Variants in PLAC1 observed in about 807,000 individuals in gnomAD.
PLAC1 encodes placenta-specific protein 1.
For missense variants in PLAC1, 136 were observed against 163.2 expected (o/e 0.83, Z 0.91); for synonymous variants, 68 against 62.1 (o/e 1.09, Z -0.44).
chrX:134,670,186 C>T (rs1335340824), intron 2 of PLAC1, among the ~76,000 whole-genome samples: 1 of 110,439 alleles, frequency 9.1e-6, no homozygotes, highest in African/African-American at 3.3e-5. Flanking sequence ...TCTATGTTCA[C>T]CTGAAAAGCC....
chrX:134,606,559 T>G (rs2078123983), intron 1 of PLAC1, among the ~76,000 whole-genome samples: 1 of 111,884 alleles, frequency 8.9e-6, no homozygotes, highest in Non-Finnish European at 1.9e-5. Context: ...AGGGAATGCT[T>G]ATGTACTGTT....
chrX:134,661,447 G>A (rs2078416255), upstream of PLAC1, among the ~76,000 whole-genome samples: 1 of 111,377 alleles, frequency 9.0e-6, no homozygotes, highest in South Asian at 3.8e-4. Flanking sequence ...CACAGCCCTG[G>A]GAGGAGCCTT....
intron 1 of PLAC1, among the ~76,000 whole-genome samples, chrX:134,648,112 T>C (rs2078343630): frequency 9.0e-6 from 1 of 111,426 alleles, no homozygotes; most frequent in African/African-American, 3.3e-5. Flanking sequence ...TTCCTTTTAT[T>C]TGAAAGACCT....
chrX:134,683,298 C>T (rs1261536581), intron 2 of PLAC1, among the ~76,000 whole-genome samples: 1 of 110,480 alleles, frequency 9.1e-6, no homozygotes, highest in Non-Finnish European at 1.9e-5. Flanking sequence ...ATTTCTGCCT[C>T]CATCTACAGA....
At chrX:134,605,333 C>G (rs1430614562) in intron 1 of PLAC1, among the ~76,000 whole-genome samples, 1 of 111,745 alleles carries the variant, frequency 8.9e-6, no homozygotes, top group Admixed American at 9.5e-5. Flanking sequence ...CAGTCACTGC[C>G]CACTTGGTGA....
intron 2 of PLAC1, among the ~76,000 whole-genome samples, chrX:134,586,839 T>TTGTGTGTGTGTATGTG (rs1556045718): frequency 2.6e-5 from 2 of 76,653 alleles, no homozygotes; most frequent in African/African-American, 9.3e-5. Context: ...CCCAGCTAAT[T>TTGTGTGTGTGTATGTG]TGTGTGTGTG....
At chrX:134,711,242 T>G (rs2078627250) in intron 2 of PLAC1, among the ~76,000 whole-genome samples, 1 of 112,121 alleles carries the variant, frequency 8.9e-6, no homozygotes, top group African/African-American at 3.2e-5. Flanking sequence ...CAGAGCACAC[T>G]TCCCCACTCA....
chrX:134,690,890 C>T (rs1602912028), intron 2 of PLAC1, among the ~76,000 whole-genome samples: 1 of 86,088 alleles, frequency 1.2e-5, no homozygotes, highest in African/African-American at 4.6e-5. Context: ...TGCAGTGAGC[C>T]GAAATCGCGC....
At chrX:134,586,342 T>C (rs1262746163) in intron 2 of PLAC1, among the ~76,000 whole-genome samples, 2 of 111,616 alleles carry the variant, frequency 1.8e-5, no homozygotes, top group Admixed American at 1.9e-4. Flanking sequence ...AAATTCCCTG[T>C]GAGCAAATAC....
chrX:134,736,135 G>C (rs1420707359), intron 1 of PLAC1, among the ~76,000 whole-genome samples: 1 of 110,147 alleles, frequency 9.1e-6, no homozygotes, highest in Non-Finnish European at 1.9e-5. Flanking sequence ...AATTAGCTGG[G>C]TGTGGTGGCA....
intron 2 of PLAC1, among the ~76,000 whole-genome samples, chrX:134,675,243 C>T (rs1324666660): frequency 8.9e-6 from 1 of 112,564 alleles, no homozygotes; most frequent in African/African-American, 3.2e-5. Context: ...CTAAACCTGT[C>T]GTCAGGCCTC....
chrX:134,588,395 G>A (rs1445641951), intron 2 of PLAC1, among the ~76,000 whole-genome samples: 1 of 108,629 alleles, frequency 9.2e-6, no homozygotes, highest in Admixed American at 1.0e-4. Flanking sequence ...CACGATCTTG[G>A]CTCACTGCAA....
intron 2 of PLAC1, among the ~76,000 whole-genome samples, chrX:134,667,925 CA>C (rs752192722): frequency 3.7e-3 from 325 of 87,145 alleles, no homozygotes; most frequent in East Asian, 0.015. Flanking sequence ...GACCTTGTCT[CA>C]AAAAAAAAAA....
At chrX:134,688,459 T>C (rs914372428) in intron 2 of PLAC1, among the ~76,000 whole-genome samples, 1 of 112,586 alleles carries the variant, frequency 8.9e-6, no homozygotes, top group Non-Finnish European at 1.9e-5. Context: ...GGTTCATTAC[T>C]AAATACTCAT....
intron 2 of PLAC1, among the ~76,000 whole-genome samples, chrX:134,717,088 G>A (rs752076905): frequency 1.8e-5 from 2 of 111,641 alleles, no homozygotes; most frequent in Admixed American, 9.5e-5. Flanking sequence ...GTCTAAACCT[G>A]ACTCAGTGAA....
At chrX:134,685,702 C>T (rs1268360276) in intron 2 of PLAC1, among the ~76,000 whole-genome samples, 5 of 110,834 alleles carry the variant, frequency 4.5e-5, no homozygotes, top group Non-Finnish European at 7.6e-5. Flanking sequence ...TTGCTCTTGT[C>T]GGGGAGCAGG....
intron 2 of PLAC1, among the ~76,000 whole-genome samples, chrX:134,673,997 C>T (rs1300815161): frequency 8.9e-6 from 1 of 112,962 alleles, no homozygotes; most frequent in Admixed American, 9.3e-5. Context: ...TTTCTAAAGC[C>T]TACCACCCTT....
chrX:134,729,015 C>T (rs778211950), intron 2 of PLAC1, among the ~76,000 whole-genome samples: 4 of 111,307 alleles, frequency 3.6e-5, no homozygotes, highest in East Asian at 5.7e-4. Context: ...AAGGAAGAGC[C>T]GTGGGCCTCT....
intron 2 of PLAC1, among the ~76,000 whole-genome samples, chrX:134,588,958 C>T (rs1253469411): frequency 9.0e-6 from 1 of 111,307 alleles, no homozygotes; most frequent in East Asian, 2.8e-4. Context: ...GGCACTAAAT[C>T]ATGGTATGTT....
Sources: gnomAD v4.1 joint callset for allele counts (sites outside exome capture counted in the v4.1 genomes callset) on GRCh38, gnomAD v4.1.1 for gene constraint, MANE v1.5 for transcripts, NCBI Gene and HGNC (gene_info 2026-07-23, HGNC 2026-07-21) for gene names.